Variants in TSHZ2 observed in about 807,000 individuals in gnomAD.
The protein encoded by TSHZ2 is teashirt homolog 2.
In TSHZ2, 21 loss-of-function variants were observed where a neutral mutation model predicts 74.4. The observed-to-expected ratio is 0.28, with a 90% CI of 0.20 to 0.41. The LOEUF is 0.41. Among genes scored for constraint, TSHZ2 ranks in the 10% least tolerant of loss-of-function variants. TSHZ2 has a pLI of 1.00. For synonymous variants in TSHZ2, 540 were observed against 515.3 expected, an observed-to-expected ratio of 1.05 and a Z score of -0.65; for missense variants, 1,244 against 1,293.5, an observed-to-expected ratio of 0.96 and a Z score of 0.59.
chr20:53,123,050 A>G lies in TSHZ2; in HGVS notation c.41-130449A>G, dbSNP rs542341680. On this transcript the variant is annotated intron_variant, in intron 1 of 2. Transcript: ENST00000371497. The stretch of plus-strand genomic sequence containing the variant: ...ACCCATAACTACATGAATGGGTTGG[A>G]GACAAAACACGGATTAAATCACAGA... Among the ~76,000 whole-genome samples the G allele has an allele frequency of 2.0e-5, 3 of 152,302 alleles. No homozygotes were observed. In the East Asian group the frequency reaches 5.8e-4, roughly 29 times the overall value.
At chr20:53,082,317 C>T (rs997579195) in intron 1 of TSHZ2, among the ~76,000 whole-genome samples, 1 of 152,142 alleles carries the variant, frequency 6.6e-6, no homozygotes, top group Admixed American at 6.6e-5. Context: ...CTGAATAGAG[C>T]AAGCGAATTG....
intron 2 of TSHZ2, among the ~76,000 whole-genome samples, chr20:53,327,960 G>A (rs991079993): frequency 9.8e-5 from 15 of 152,338 alleles, no homozygotes; most frequent in African/African-American, 9.6e-5. Flanking sequence ...GAAAGGTTTC[G>A]TGACTGCAGA....
intron 1 of TSHZ2, among the ~76,000 whole-genome samples, chr20:53,227,464 A>T (rs1243566847): frequency 9.4e-5 from 1 of 10,666 alleles, no homozygotes; most frequent in Non-Finnish European, 2.3e-4. Flanking sequence ...GGGGAGGAAA[A>T]CACACACACA....
At chr20:53,349,286 C>A (rs565283953) in intron 2 of TSHZ2, among the ~76,000 whole-genome samples, 1 of 152,356 alleles carries the variant, frequency 6.6e-6, no homozygotes, top group East Asian at 1.9e-4. Flanking sequence ...GCATTAGAAA[C>A]AATGCCCACC....
chr20:53,319,780 A>T (rs1024557332), intron 2 of TSHZ2, among the ~76,000 whole-genome samples: 1 of 152,256 alleles, frequency 6.6e-6, no homozygotes, highest in African/African-American at 2.4e-5. Flanking sequence ...GAATGAATGC[A>T]ATGCACTCAC....
chr20:53,463,418 GGAAGGAAGGAAGGAA>G lies in TSHZ2; in HGVS notation c.*9-23724_*9-23710del, dbSNP rs1455459802. Among the ~76,000 whole-genome samples the G allele has an allele frequency of 2.3e-3, 291 of 123,848 alleles. 6 individuals are homozygous for G. The highest frequency in any genetic ancestry group is 8.3e-3 in the African/African-American group (255 of 30,642). 81.2% of individuals were successfully genotyped at this position (123,848 alleles called of 152,430 possible). A position where few individuals can be genotyped will look rare whatever the true frequency, so the allele number is the denominator to read the frequency against. ...AGGAAGGAAGGAAGGAAGGAAGGAAGGAAGGAAGGAAGGAAGGAGGGAGGGAGGGAAGGAAGGAAG... is the reference window on the plus strand; with the variant it reads ...AGGAAGGAAGGAAGGAAGGAAGGAAGGGAGGGAGGGAGGGAAGGAAGGAAG... On this transcript the variant is annotated intron_variant, in intron 2 of 2. Transcript: ENST00000371497.
chr20:53,159,965 G>A (rs1327662682), intron 1 of TSHZ2, among the ~76,000 whole-genome samples: 2 of 152,190 alleles, frequency 1.3e-5, no homozygotes, highest in South Asian at 2.1e-4. Context: ...GGAAGTTGGA[G>A]GAGGCTTTCC....
chr20:53,036,146 A>G (rs1459178917), intron 1 of TSHZ2, among the ~76,000 whole-genome samples: 1 of 152,210 alleles, frequency 6.6e-6, no homozygotes, highest in African/African-American at 2.4e-5. Context: ...TGAAGTAAAA[A>G]TTTATGATGT....
chr20:53,203,858 G>C (rs1989071248), intron 1 of TSHZ2, among the ~76,000 whole-genome samples: 1 of 151,898 alleles, frequency 6.6e-6, no homozygotes, highest in Non-Finnish European at 1.5e-5. Context: ...AAGCTCTCTA[G>C]ACCTGCAATG....
intron 1 of TSHZ2, among the ~76,000 whole-genome samples, chr20:53,151,420 C>A (rs540208607): frequency 1.3e-5 from 2 of 152,276 alleles, no homozygotes; most frequent in East Asian, 3.9e-4. Context: ...TCTACAAATT[C>A]CTCAACCAAA....
At chr20:53,415,925 T>C (rs940451391) in intron 2 of TSHZ2, among the ~76,000 whole-genome samples, 7 of 152,168 alleles carry the variant, frequency 4.6e-5, no homozygotes, top group African/African-American at 1.7e-4. Context: ...ATATTGACAT[T>C]TTGAAACAAA....
At chr20:53,033,311 C>T (rs1336948735) in intron 1 of TSHZ2, among the ~76,000 whole-genome samples, 2 of 152,286 alleles carry the variant, frequency 1.3e-5, no homozygotes, top group African/African-American at 2.4e-5. Flanking sequence ...TGGCTGGGTA[C>T]TTCATGTGTT....
intron 2 of TSHZ2, among the ~76,000 whole-genome samples, chr20:53,371,661 A>G (rs574463212): frequency 6.6e-6 from 1 of 152,318 alleles, no homozygotes; most frequent in East Asian, 1.9e-4. Flanking sequence ...GGATCACTTG[A>G]GACCAGGAGT....
intron 2 of TSHZ2, among the ~76,000 whole-genome samples, chr20:53,451,257 T>C (rs1007709055): frequency 2.6e-5 from 4 of 152,198 alleles, no homozygotes; most frequent in African/African-American, 9.7e-5. Flanking sequence ...GATCTCAAAG[T>C]TGACTGATTA....
chr20:53,427,842 G>C lies in TSHZ2; in HGVS notation c.*9-59302G>C, dbSNP rs147790452. ...AAGAACTTCAAGCATGTTAAGAAAG[G>C]GATGGAAGGCCTAGAGCCCTCACCC... On this transcript the variant is annotated intron_variant, in intron 2 of 2. Coordinates refer to ENST00000371497, the MANE Select transcript of TSHZ2 (RefSeq NM_173485.6). 3.0e-3 allele frequency among the ~76,000 whole-genome samples: 450 copies of C among 152,236 alleles called. 1 individual carries two copies. Among genetic ancestry groups the C allele is most frequent in the Non-Finnish European group, 4.5e-3 (309 of 68,006 alleles).
At chr20:53,016,622 GC>G (rs2123018865) in intron 1 of TSHZ2, among the ~76,000 whole-genome samples, 1 of 152,232 alleles carries the variant, frequency 6.6e-6, no homozygotes, top group East Asian at 1.9e-4. Context: ...TTTGTGAGAG[GC>G]TTTGAAATCA....
At chr20:53,322,675 C>T (rs896956233) in intron 2 of TSHZ2, among the ~76,000 whole-genome samples, 1 of 152,176 alleles carries the variant, frequency 6.6e-6, no homozygotes, top group African/African-American at 2.4e-5. Flanking sequence ...GCTTTCCAAG[C>T]CCAAGCTGCC....
At chr20:53,442,721 T>C (rs761988757) in intron 2 of TSHZ2, among the ~76,000 whole-genome samples, 3 of 152,252 alleles carry the variant, frequency 2.0e-5, no homozygotes, top group Admixed American at 1.3e-4. Flanking sequence ...TTATGGATAT[T>C]GCCGGCATTT....
intron 2 of TSHZ2, among the ~76,000 whole-genome samples, chr20:53,322,388 C>G (rs1402723513): frequency 3.3e-5 from 5 of 152,110 alleles, no homozygotes; most frequent in Non-Finnish European, 7.3e-5. Flanking sequence ...TGGCAGGCGC[C>G]TGTAATCCCA....
Sources: gnomAD v4.1 joint callset for allele counts (sites outside exome capture counted in the v4.1 genomes callset) on GRCh38, gnomAD v4.1.1 for gene constraint, MANE v1.5 for transcripts, NCBI Gene and HGNC (gene_info 2026-07-23, HGNC 2026-07-21) for gene names.